Variants in KIAA1328 observed in about 807,000 individuals in gnomAD.
KIAA1328 encodes the protein KIAA1328.
A neutral mutation model predicts 68.1 loss-of-function variants in KIAA1328; 52 were observed. The ratio of observed to expected loss-of-function variants is 0.76; its 90% CI spans 0.61 to 0.96. KIAA1328 has a LOEUF of 0.96. Ranked by LOEUF, KIAA1328 falls within the 40% of genes least tolerant of loss-of-function variation. The probability of loss-of-function intolerance (pLI) is 0.00; values close to 1 mark genes in which losing one functional copy is unlikely to be tolerated. For missense variants in KIAA1328, 641 were observed against 677.6 expected, an observed-to-expected ratio of 0.95 and a Z score of 0.60; for synonymous variants, 232 against 239.4, an observed-to-expected ratio of 0.97 and a Z score of 0.28.
intron 5 of KIAA1328, among the ~76,000 whole-genome samples, chr18:36,888,954 A>T (rs948649225): frequency 1.3e-5 from 2 of 152,316 alleles, no homozygotes; most frequent in African/African-American, 4.8e-5. Context: ...AAGATGTATT[A>T]TACCAACATT....
intron 6 of KIAA1328, among the ~76,000 whole-genome samples, chr18:36,995,824 A>T (rs2053368311): frequency 1.3e-5 from 2 of 152,178 alleles, no homozygotes; most frequent in African/African-American, 4.8e-5. Flanking sequence ...TTCTTTCACT[A>T]GTGATTTTTA....
chr18:36,849,819 C>T (rs911690752), intron 4 of KIAA1328, among the ~76,000 whole-genome samples: 1 of 152,044 alleles, frequency 6.6e-6, no homozygotes, highest in East Asian at 1.9e-4. Context: ...AACCATCTTA[C>T]ATTCCTGTCA....
intron 6 of KIAA1328, among the ~76,000 whole-genome samples, chr18:36,966,144 A>G (rs2051926854): frequency 1.3e-5 from 2 of 152,222 alleles, no homozygotes; most frequent in Non-Finnish European, 2.9e-5. Flanking sequence ...AGCTGAGGGA[A>G]AAGGAAACTG....
intron 9 of KIAA1328, among the ~76,000 whole-genome samples, chr18:37,201,094 C>G (rs762804077): frequency 6.6e-6 from 1 of 152,082 alleles, no homozygotes. Context: ...CACAGTGTGG[C>G]AAAAAGATCT....
chr18:37,071,387 T>C (rs144900470), intron 7 of KIAA1328, among the ~76,000 whole-genome samples: 1 of 152,142 alleles, frequency 6.6e-6, no homozygotes, highest in African/African-American at 2.4e-5. Flanking sequence ...CACTTACTTT[T>C]AATGTAAAGT....
At chr18:36,886,479 A>G (rs1252907513) in intron 5 of KIAA1328, 2 of 151,894 alleles carry the variant, frequency 1.3e-5, no homozygotes, top group African/African-American at 4.8e-5. Context: ...GCAGAAAACT[A>G]TTGGGTTTAG....
intron 7 of KIAA1328, among the ~76,000 whole-genome samples, chr18:37,141,725 G>T (rs2861137): frequency 0.053 from 8,082 of 152,278 alleles, 241 homozygotes; most frequent in East Asian, 0.15. Flanking sequence ...CAGAATTCCA[G>T]TTGCTCCATG....
intron 8 of KIAA1328, among the ~76,000 whole-genome samples, chr18:37,171,561 A>T (rs898859676): frequency 6.6e-6 from 1 of 151,962 alleles, no homozygotes; most frequent in African/African-American, 2.4e-5. Context: ...TTACTCTCAT[A>T]CCTTCCTTTC....
chr18:37,046,810 G>A (rs1047207649), intron 6 of KIAA1328, among the ~76,000 whole-genome samples: 5 of 152,196 alleles, frequency 3.3e-5, no homozygotes, highest in Admixed American at 6.5e-5. Flanking sequence ...ATTTTAGAAA[G>A]GTTGTTGGTG....
At chr18:36,907,486 C>T (rs1427100021) in intron 5 of KIAA1328, among the ~76,000 whole-genome samples, 1 of 152,040 alleles carries the variant, frequency 6.6e-6, no homozygotes, top group Non-Finnish European at 1.5e-5. Flanking sequence ...TGTGCTGATA[C>T]TTTTTGGTTA....
intron 5 of KIAA1328, among the ~76,000 whole-genome samples, chr18:36,958,835 G>A (rs916262519): frequency 4.0e-5 from 6 of 151,548 alleles, no homozygotes; most frequent in African/African-American, 1.5e-4. Flanking sequence ...TTTACATTTC[G>A]AAGTCTAATT....
chr18:37,136,549 T>C (rs2058649784), intron 7 of KIAA1328, among the ~76,000 whole-genome samples: 1 of 152,226 alleles, frequency 6.6e-6, no homozygotes, highest in Non-Finnish European at 1.5e-5. Context: ...ATCCCATAAA[T>C]GTCCTCCAAA....
intron 7 of KIAA1328, among the ~76,000 whole-genome samples, chr18:37,149,418 G>A (rs936712655): frequency 6.6e-6 from 1 of 152,110 alleles, no homozygotes; most frequent in African/African-American, 2.4e-5. Context: ...GATGGATAAA[G>A]TCTTAAATGT....
At position 36,902,914 on chromosome 18, in the gene KIAA1328, G is replaced by A. The variant is rs977520059; in HGVS notation, c.448+17242G>A. ...ATTTTCTTTATTTTTTCCATTGTTA[G>A]GATAATTACCCTTAGAATTCTGTAG... On this transcript the variant is annotated intron_variant, in intron 5 of 9. Transcript: ENST00000280020. 4.0e-5 allele frequency among the ~76,000 whole-genome samples: 6 copies of A among 151,852 alleles called. No homozygotes were observed. The East Asian group carries it at 1.2e-3, about 29-fold the overall frequency.
chr18:37,154,921 C>CTA (rs2059121844), intron 7 of KIAA1328, among the ~76,000 whole-genome samples: 1 of 152,074 alleles, frequency 6.6e-6, no homozygotes, highest in Non-Finnish European at 1.5e-5. Context: ...AATGGTTGAC[C>CTA]TATACTACAT....
chr18:37,071,547 A>C (rs1243448205), intron 7 of KIAA1328, among the ~76,000 whole-genome samples: 1 of 152,200 alleles, frequency 6.6e-6, no homozygotes, highest in Non-Finnish European at 1.5e-5. Context: ...CATTGACATT[A>C]TAGTAGGTAT....
At chr18:37,146,668 A>G (rs2154209035) in intron 7 of KIAA1328, among the ~76,000 whole-genome samples, 1 of 152,238 alleles carries the variant, frequency 6.6e-6, no homozygotes, top group Non-Finnish European at 1.5e-5. Context: ...CTATTATCTT[A>G]TTAGCTATGT....
chr18:37,197,289 T>G (rs1169741352), intron 9 of KIAA1328, among the ~76,000 whole-genome samples: 1 of 152,162 alleles, frequency 6.6e-6, no homozygotes, highest in Non-Finnish European at 1.5e-5. Context: ...TTGTTGATCT[T>G]TAAAAATTTT....
Position 37,223,224 on chromosome 18 carries a change from G to A in KIAA1328, c.*997G>A. 1 of 985,288 alleles carries A rather than the reference G, an allele frequency of 1.0e-6. No homozygotes were observed. The highest frequency in any genetic ancestry group is 1.2e-6 in the Non-Finnish European group (1 of 829,942). 61.0% of individuals were successfully genotyped at this position (985,288 alleles called of 1,614,324 possible). A position where few individuals can be genotyped will look rare whatever the true frequency, so the allele number is the denominator to read the frequency against. ...TACAAGCTGACCAGGCCTCACAGGT[G>A]CTCTGCTCGTGGCCCCAAAGAACCA... On this transcript the variant is annotated 3_prime_UTR_variant, in exon 10 of 10. Transcript: ENST00000280020.
Sources: gnomAD v4.1 joint callset for allele counts (sites outside exome capture counted in the v4.1 genomes callset) on GRCh38, gnomAD v4.1.1 for gene constraint, MANE v1.5 for transcripts, NCBI Gene and HGNC (gene_info 2026-07-23, HGNC 2026-07-21) for gene names.